Variants in OXSR1 observed in about 807,000 individuals in gnomAD.
OXSR1 encodes oxidative stress responsive kinase 1, also known as serine/threonine-protein kinase OSR1.
Under a neutral mutation model 79.8 loss-of-function variants are expected in OXSR1, and 24 were observed. The ratio of observed to expected loss-of-function variants is 0.30; its 90% CI spans 0.22 to 0.42. The LOEUF (loss-of-function observed/expected upper bound fraction) is 0.42, where lower values mean the gene tolerates loss of function less well. OXSR1 is among the 10% of genes least tolerant of loss of function. OXSR1 has a pLI of 1.00. For missense variants in OXSR1, 430 were observed against 618.4 expected (o/e 0.70, Z 3.23); for synonymous variants, 226 against 209.2 (o/e 1.08, Z -0.69).
Position 38,247,703 on chromosome 3 carries a change from G to T in OXSR1, c.1293G>T (p.Lys431Asn). 1 of 1,612,162 alleles carries T rather than the reference G, an allele frequency of 6.2e-7. No homozygotes were observed. Among genetic ancestry groups the T allele is most frequent in the Non-Finnish European group, 8.5e-7 (1 of 1,178,468 alleles). Residue 431 changes from lysine to asparagine, a missense_variant, in exon 14 of 18, where the codon AAG (lysine) becomes AAT (asparagine). Lys to Asn is a moderately conservative substitution (Grantham distance 94). Around this residue, in one of 3 missense-constraint regions of OXSR1, gnomAD observed 276 missense variants for 354.2 expected, o/e 0.78. Coordinates refer to ENST00000311806, the MANE Select transcript of OXSR1 (RefSeq NM_005109.3). Reference sequence around the variant, plus strand: ...CAGGATCAGGTTCACAAGAAACCAAGATCCCAATCAGTCTAGTACTAAGAT... The same window carrying T: ...CAGGATCAGGTTCACAAGAAACCAATATCCCAATCAGTCTAGTACTAAGAT... Reference protein sequence around the residue: ...LSSGSGSQETKIPISLVLRLR... With the variant: ...LSSGSGSQETNIPISLVLRLR...
At chr3:38,184,028 A>G (rs1701834651) in intron 2 of OXSR1, among the ~76,000 whole-genome samples, 1 of 152,180 alleles carries the variant, frequency 6.6e-6, no homozygotes, top group African/African-American at 2.4e-5. Context: ...GTGAACTAAT[A>G]TTGTTACTTT....
At chr3:38,216,192 T>A in intron 5 of OXSR1, 41 bp downstream of exon 5, 1 of 1,165,892 alleles carries the variant, frequency 8.6e-7, no homozygotes, top group Non-Finnish European at 1.3e-6. Context: ...TAATGGTCAG[T>A]AGAACCACAT....
chr3:38,177,562 A>G (rs1701697189), intron 1 of OXSR1, among the ~76,000 whole-genome samples: 1 of 151,190 alleles, frequency 6.6e-6, no homozygotes, highest in Non-Finnish European at 1.5e-5. Context: ...TTTCTTTTTG[A>G]TTTCCTTCCT....
In OXSR1 at chr3:38,165,662, G is replaced by A. The variant is rs896945879; in HGVS notation, c.-215G>A. 4 of 532,102 alleles carry A rather than the reference G, an allele frequency of 7.5e-6. No individual in the cohort carries two copies. The highest frequency in any genetic ancestry group is 1.3e-5 in the Non-Finnish European group (4 of 302,730). The allele number at this position is 532,102 out of a possible 1,614,324, so 33.0% of individuals were successfully genotyped here. On this transcript the variant is annotated 5_prime_UTR_variant, in exon 1 of 18. Coordinates refer to ENST00000311806, the MANE Select transcript of OXSR1 (RefSeq NM_005109.3). ...TGGGCCGGGCAGTGCCGGACTCGGAGGAGCAGGAGGCGAGGTCCGCCGGAG... is the reference window on the plus strand; with the variant it reads ...TGGGCCGGGCAGTGCCGGACTCGGAAGAGCAGGAGGCGAGGTCCGCCGGAG...
intron 12 of OXSR1, 111 bp from the exon 13 acceptor site, chr3:38,245,964 C>G: frequency 2.2e-6 from 2 of 911,038 alleles, no homozygotes; most frequent in Non-Finnish European, 3.6e-6. Flanking sequence ...AACCTGTACA[C>G]TACCCAAAAA....
chr3:38,247,675 C>T lies in OXSR1; in HGVS notation c.1265C>T (p.Ser422Phe), dbSNP rs1451631468. 2 of 1,610,858 alleles carry T rather than the reference C, an allele frequency of 1.2e-6. No individual in the cohort carries two copies. The highest frequency in any genetic ancestry group is 1.7e-6 in the Non-Finnish European group (2 of 1,177,384). ...CCTTTCAATGCTTTTTAGGCTTTGT[C>T]TTCAGGATCAGGTTCACAAGAAACC... is the stretch of plus-strand genomic sequence containing the variant. ...AEPAKTAQAL[S>F]SGSGSQETKI... The change falls in exon 14 of 18, where the codon TCT becomes TTT. Residue 422 changes from serine to phenylalanine, a missense_variant. By Grantham distance (155) the Ser-to-Phe change is radical. Around this residue, in one of 3 missense-constraint regions of OXSR1, gnomAD observed 276 missense variants for 354.2 expected, o/e 0.78. Transcript: ENST00000311806.
Position 38,224,716 on chromosome 3 carries a change from GA to G in OXSR1, c.836+17del. 1.3e-6 allele frequency: 2 copies of G among 1,517,846 alleles called. No homozygotes were observed. Among genetic ancestry groups the G allele is most frequent in the Non-Finnish European group, 1.8e-6 (2 of 1,118,870 alleles). The allele number at this position is 1,517,846 out of a possible 1,614,324, so 94.0% of individuals were successfully genotyped here. A position where few individuals can be genotyped will look rare whatever the true frequency, so the allele number is the denominator to read the frequency against. The stretch of plus-strand genomic sequence containing the variant: ...GATCCAGAAAAAAGGTAAAATATGA[GA>G]AAAAGTCTACTTTTCTCTCTAATAA... On this transcript the variant is annotated intron_variant, in intron 8 of 17. Coordinates refer to ENST00000311806, the MANE Select transcript of OXSR1 (RefSeq NM_005109.3).
intron 10 of OXSR1, among the ~76,000 whole-genome samples, chr3:38,233,050 G>T (rs1702843503): frequency 1.3e-5 from 2 of 152,168 alleles, no homozygotes; most frequent in South Asian, 4.1e-4. Context: ...ACAATCTTAA[G>T]ATAGAGTTAG....
chr3:38,229,281 C>T (rs1702756738), intron 8 of OXSR1, among the ~76,000 whole-genome samples: 1 of 151,964 alleles, frequency 6.6e-6, no homozygotes, highest in Admixed American at 6.6e-5. Context: ...TGGTCCATTT[C>T]CTCTTTGTGT....
At chr3:38,190,913 C>T (rs1575321653) in intron 3 of OXSR1, 74 bp downstream of exon 3, 1 of 818,920 alleles carries the variant, frequency 1.2e-6, no homozygotes, top group Admixed American at 2.3e-5. Context: ...CTTTTCTATC[C>T]TGATTTCGTT....
At chr3:38,192,572 G>A (rs1206180385) in intron 3 of OXSR1, among the ~76,000 whole-genome samples, 3 of 152,082 alleles carry the variant, frequency 2.0e-5, no homozygotes, top group African/African-American at 4.8e-5. Context: ...ATCTTGGTAC[G>A]CAATATTAAC....
intron 16 of OXSR1, among the ~76,000 whole-genome samples, chr3:38,252,016 A>G (rs1471787259): frequency 6.6e-5 from 10 of 152,242 alleles, no homozygotes; most frequent in Admixed American, 6.5e-4. Context: ...AACAGACCAC[A>G]GGCTGGTTTG....
At chr3:38,166,824 G>A (rs1701473362) in intron 1 of OXSR1, among the ~76,000 whole-genome samples, 1 of 151,774 alleles carries the variant, frequency 6.6e-6, no homozygotes, top group Admixed American at 6.6e-5. Flanking sequence ...ATTTGAAGAG[G>A]CTTTGGCAAG....
rs73062867 is a variant in OXSR1, at chr3:38,218,715, G to A, written c.490+2564G>A. ...TTTTTCTTTTGTTGCCTGAAATTTG[G>A]TATTATATCTCAGAAATCATTGCTA... On this transcript the variant is annotated intron_variant, in intron 5 of 17. Transcript: ENST00000311806. Among the ~76,000 whole-genome samples, 1,041 of 152,158 alleles carry A rather than the reference G, an allele frequency of 6.8e-3. 5 individuals carry two copies. Among genetic ancestry groups the A allele is most frequent in the Middle Eastern group, 0.027 (8 of 294 alleles).
intron 8 of OXSR1, among the ~76,000 whole-genome samples, chr3:38,227,914 C>T (rs924194816): frequency 6.6e-6 from 1 of 152,190 alleles, no homozygotes; most frequent in Admixed American, 6.5e-5. Flanking sequence ...GTGAAATGCT[C>T]AGAGAAAATG....
At chr3:38,236,029 G>C (rs1239381597) in intron 10 of OXSR1, among the ~76,000 whole-genome samples, 1 of 152,132 alleles carries the variant, frequency 6.6e-6, no homozygotes, top group Admixed American at 6.5e-5. Flanking sequence ...GATACCGACA[G>C]AATACCCATT....
chr3:38,247,247 A>G (rs552615779), intron 13 of OXSR1, among the ~76,000 whole-genome samples: 1 of 152,206 alleles, frequency 6.6e-6, no homozygotes, highest in South Asian at 2.1e-4. Context: ...AAAGACTGGA[A>G]CCTATGTATG....
At chr3:38,172,461 T>C (rs1701600326) in intron 1 of OXSR1, among the ~76,000 whole-genome samples, 2 of 152,224 alleles carry the variant, frequency 1.3e-5, no homozygotes, top group Non-Finnish European at 2.9e-5. Flanking sequence ...ACTAGAAAAT[T>C]GAAAACTTAA....
At chr3:38,204,395 C>T (rs899966325) in intron 4 of OXSR1, among the ~76,000 whole-genome samples, 1 of 152,082 alleles carries the variant, frequency 6.6e-6, no homozygotes, top group Non-Finnish European at 1.5e-5. Context: ...TCTTCTCAAA[C>T]AGAAGGAGTC....
Sources: gnomAD v4.1 joint callset for allele counts (sites outside exome capture counted in the v4.1 genomes callset) on GRCh38, gnomAD v4.1.1 for gene constraint, gnomAD v4.1.1 regional missense constraint, MANE v1.5 for transcripts, NCBI Gene and HGNC (gene_info 2026-07-23, HGNC 2026-07-21) for gene names.